FAM13C: variants seen among roughly 807,000 people sequenced by gnomAD.
FAM13C encodes family with sequence similarity 13 member C.
A neutral mutation model predicts 73.2 loss-of-function variants in FAM13C; 37 were observed. The ratio of observed to expected loss-of-function variants is 0.51; its 90% CI spans 0.39 to 0.67. The LOEUF is 0.67. Among genes scored for constraint, FAM13C ranks in the 30% least tolerant of loss-of-function variants. The pLI is 0.00. For synonymous variants in FAM13C, 246 were observed against 260.9 expected (o/e 0.94, Z 0.55); for missense variants, 589 against 715.6 (o/e 0.82, Z 2.02).
intron 4 of FAM13C, among the ~76,000 whole-genome samples, chr10:59,319,864 C>A (rs1433077131): frequency 6.6e-6 from 1 of 152,074 alleles, no homozygotes; most frequent in Non-Finnish European, 1.5e-5. Context: ...ATAACCCAAC[C>A]CTTCCACTCA....
chr10:59,263,992 C>T lies in FAM13C; in HGVS notation c.1024+93G>A, dbSNP rs776351020. On this transcript the variant is annotated intron_variant, in intron 9 of 13. Coordinates refer to ENST00000618804, the MANE Select transcript of FAM13C (RefSeq NM_198215.4). ...GCAGAAAACAAGGTGCAAGAGGGCACAGGTGGAAATGAATCTAAAATGCTC... is the reference window on the plus strand; with the variant it reads ...GCAGAAAACAAGGTGCAAGAGGGCATAGGTGGAAATGAATCTAAAATGCTC... The T allele has an allele frequency of 3.5e-6, 4 of 1,134,456 alleles. No homozygotes were observed. The Admixed American group carries it at 5.1e-5, about 14-fold the overall frequency. 70.3% of individuals were successfully genotyped at this position (1,134,456 alleles called of 1,614,324 possible). A position where few individuals can be genotyped will look rare whatever the true frequency, so the allele number is the denominator to read the frequency against.
chr10:59,257,900 T>G (rs1842100074), intron 10 of FAM13C, among the ~76,000 whole-genome samples: 1 of 152,212 alleles, frequency 6.6e-6, no homozygotes, highest in South Asian at 2.1e-4. Flanking sequence ...TTTCCTAATA[T>G]GCAGAATGAG....
intron 9 of FAM13C, 27 bp from the exon 10 acceptor site, chr10:59,262,672 A>G (rs781421231): frequency 2.5e-6 from 4 of 1,584,854 alleles, no homozygotes; most frequent in Non-Finnish European, 3.5e-6. Context: ...GAGTTATCAT[A>G]AGCAAAGAGA....
chr10:59,333,499 A>G (rs1852288074), intron 3 of FAM13C, among the ~76,000 whole-genome samples: 1 of 152,200 alleles, frequency 6.6e-6, no homozygotes, highest in East Asian at 1.9e-4. Flanking sequence ...AAAAAATTAA[A>G]TAAATAAAAA....
chr10:59,266,629 C>T (rs1843099239), intron 8 of FAM13C, among the ~76,000 whole-genome samples: 1 of 152,206 alleles, frequency 6.6e-6, no homozygotes, highest in South Asian at 2.1e-4. Context: ...CCTTCCCCTA[C>T]TGCTCCCTGA....
At chr10:59,317,581 G>T (rs921613008) in intron 4 of FAM13C, among the ~76,000 whole-genome samples, 1 of 152,016 alleles carries the variant, frequency 6.6e-6, no homozygotes, top group Non-Finnish European at 1.5e-5. Context: ...AGCCATAAAT[G>T]AACTCACCAA....
chr10:59,313,345 A>T (rs1296327543), intron 4 of FAM13C, among the ~76,000 whole-genome samples: 1 of 152,192 alleles, frequency 6.6e-6, no homozygotes, highest in Admixed American at 6.5e-5. Flanking sequence ...TACCAACTAC[A>T]TTACCAAGAA....
intron 3 of FAM13C, among the ~76,000 whole-genome samples, chr10:59,338,463 C>T (rs1041520586): frequency 6.6e-6 from 1 of 152,146 alleles, no homozygotes; most frequent in Non-Finnish European, 1.5e-5. Context: ...GACTGATGGT[C>T]AATAAACTCT....
At chr10:59,317,430 A>C (rs1013921935) in intron 4 of FAM13C, among the ~76,000 whole-genome samples, 3 of 152,204 alleles carry the variant, frequency 2.0e-5, no homozygotes, top group African/African-American at 7.2e-5. Context: ...TTCAGATGTT[A>C]AGGACAAAGT....
At chr10:59,248,879 C>T (rs1244684933) in intron 13 of FAM13C, among the ~76,000 whole-genome samples, 2 of 152,102 alleles carry the variant, frequency 1.3e-5, no homozygotes, top group Non-Finnish European at 2.9e-5. Context: ...GAACTCAGAA[C>T]AGTATACAAA....
At chr10:59,322,840 G>A (rs867923166) in intron 4 of FAM13C, among the ~76,000 whole-genome samples, 3 of 152,138 alleles carry the variant, frequency 2.0e-5, no homozygotes, top group African/African-American at 7.2e-5. Flanking sequence ...AGAGGAGGGA[G>A]AATGTCCTGA....
At chr10:59,309,056 C>G (rs1848628161) in intron 4 of FAM13C, among the ~76,000 whole-genome samples, 1 of 152,224 alleles carries the variant, frequency 6.6e-6, no homozygotes, top group African/African-American at 2.4e-5. Flanking sequence ...ATTAAATTAG[C>G]AGAGGAAAGT....
In FAM13C at chr10:59,247,375, T is replaced by A. The variant is rs1386307092; in HGVS notation, c.*239A>T. On this transcript the variant is annotated 3_prime_UTR_variant, in exon 14 of 14. Coordinates refer to ENST00000618804, the MANE Select transcript of FAM13C (RefSeq NM_198215.4). Reference sequence around the variant, plus strand: ...CTTGTATTGACTATGAGTTTTCTGCTTGGCATGGAGGACACTGAATTTTTT... The same window carrying A: ...CTTGTATTGACTATGAGTTTTCTGCATGGCATGGAGGACACTGAATTTTTT... 1 of 484,194 alleles carries A rather than the reference T, an allele frequency of 2.1e-6. No homozygotes were observed. The highest frequency in any genetic ancestry group is 4.0e-5 in the East Asian group (1 of 25,260). The allele number at this position is 484,194 out of a possible 1,614,324, so 30.0% of individuals were successfully genotyped here. A position where few individuals can be genotyped will look rare whatever the true frequency, so the allele number is the denominator to read the frequency against.
At chr10:59,315,299 T>C (rs1849389902) in intron 4 of FAM13C, among the ~76,000 whole-genome samples, 1 of 152,216 alleles carries the variant, frequency 6.6e-6, no homozygotes, top group African/African-American at 2.4e-5. Flanking sequence ...TATGTTTCTG[T>C]AAATAATTAT....
intron 5 of FAM13C, among the ~76,000 whole-genome samples, chr10:59,289,533 A>G (rs910232743): frequency 6.6e-6 from 1 of 152,204 alleles, no homozygotes; most frequent in African/African-American, 2.4e-5. Flanking sequence ...TTTCCATGCA[A>G]GAGCTGCACT....
intron 5 of FAM13C, among the ~76,000 whole-genome samples, chr10:59,287,957 T>G (rs1024500223): frequency 3.3e-5 from 5 of 152,214 alleles, no homozygotes; most frequent in African/African-American, 1.2e-4. Context: ...TTAGGCTACA[T>G]GACTTCTAAG....
intron 4 of FAM13C, among the ~76,000 whole-genome samples, chr10:59,306,798 C>T (rs1384030284): frequency 2.0e-5 from 3 of 152,166 alleles, no homozygotes; most frequent in Admixed American, 6.5e-5. Flanking sequence ...TTGCTTGAAC[C>T]GGGAGGCGGA....
At chr10:59,342,694 G>A (rs1259906638) in intron 3 of FAM13C, among the ~76,000 whole-genome samples, 1 of 152,178 alleles carries the variant, frequency 6.6e-6, no homozygotes, top group Non-Finnish European at 1.5e-5. Context: ...AAACTATGGG[G>A]TCCGAAATTG....
At chr10:59,251,361 A>T in intron 13 of FAM13C, 1 of 512,396 alleles carries the variant, frequency 2.0e-6, no homozygotes, top group Non-Finnish European at 3.4e-6. Context: ...TTTTTTACAG[A>T]TTGATGTCAT....
Sources: gnomAD v4.1 joint callset for allele counts (sites outside exome capture counted in the v4.1 genomes callset) on GRCh38, gnomAD v4.1.1 for gene constraint, MANE v1.5 for transcripts, NCBI Gene and HGNC (gene_info 2026-07-23, HGNC 2026-07-21) for gene names.